STT3B: variants seen among roughly 807,000 people sequenced by gnomAD.
STT3B encodes the protein dolichyl-diphosphooligosaccharide--protein glycosyltransferase subunit STT3B.
Under a neutral mutation model 96.8 loss-of-function variants are expected in STT3B, and 29 were observed. The observed-to-expected ratio is 0.30, with a 90% CI of 0.22 to 0.41. STT3B has a LOEUF of 0.41. Ranked by LOEUF, STT3B falls within the 10% of genes least tolerant of loss-of-function variation. STT3B has a pLI of 1.00. For missense variants in STT3B, 640 were observed against 1,022.3 expected (o/e 0.63, Z 5.10); for synonymous variants, 367 against 360.0 (o/e 1.02, Z -0.22).
rs1459127579 is a variant in STT3B at position 31,637,406 on chromosome 3, A to C, written c.*1342A>C. 2 of 152,130 alleles carry C rather than the reference A, an allele frequency of 1.3e-5. No homozygotes were observed. The highest frequency in any genetic ancestry group is 3.8e-4 in the East Asian group (2 of 5,202). The allele number at this position is 152,130 out of a possible 1,614,324, so 9.4% of individuals were successfully genotyped here. A position where few individuals can be genotyped will look rare whatever the true frequency, so the allele number is the denominator to read the frequency against. ...CTGATTTTCTTTTCCAAGGTGTAGA[A>C]TATTCTTTGATTTATAGAATTCATT... On this transcript the variant is annotated 3_prime_UTR_variant, in exon 16 of 16. Coordinates refer to ENST00000295770, the MANE Select transcript of STT3B (RefSeq NM_178862.3).
chr3:31,580,144 T>C, intron 3 of STT3B, 48 bp downstream of exon 3: 1 of 1,570,054 alleles, frequency 6.4e-7, no homozygotes. Flanking sequence ...GTGACCTTTC[T>C]CCTGAAACAC....
At chr3:31,542,135 G>A (rs1697289995) in intron 1 of STT3B, among the ~76,000 whole-genome samples, 1 of 152,082 alleles carries the variant, frequency 6.6e-6, no homozygotes, top group African/African-American at 2.4e-5. Flanking sequence ...AAAGTGGGTG[G>A]GAGAGAAGAG....
chr3:31,543,611 T>A (rs1313325149), intron 1 of STT3B, among the ~76,000 whole-genome samples: 1 of 152,208 alleles, frequency 6.6e-6, no homozygotes, highest in Non-Finnish European at 1.5e-5. Flanking sequence ...GTCAGTAAGA[T>A]CACATGTGCA....
intron 5 of STT3B, among the ~76,000 whole-genome samples, chr3:31,603,404 G>C (rs1273743799): frequency 1.3e-5 from 2 of 151,786 alleles, no homozygotes; most frequent in Non-Finnish European, 2.9e-5. Context: ...AGCTGAGATG[G>C]GAGGCCGTCT....
intron 1 of STT3B, among the ~76,000 whole-genome samples, chr3:31,549,147 A>G (rs1163637730): frequency 6.6e-6 from 1 of 152,116 alleles, no homozygotes; most frequent in East Asian, 1.9e-4. Flanking sequence ...AACTTTACCA[A>G]AGTCGTAGAG....
chr3:31,629,923 G>C (rs559855829), intron 14 of STT3B, among the ~76,000 whole-genome samples: 11 of 152,336 alleles, frequency 7.2e-5, no homozygotes, highest in African/African-American at 2.2e-4. Flanking sequence ...TCTACAAAAT[G>C]AGTGAATGTG....
chr3:31,548,417 G>A (rs1697469200), intron 1 of STT3B, among the ~76,000 whole-genome samples: 1 of 151,726 alleles, frequency 6.6e-6, no homozygotes. Context: ...TTGTAAAATA[G>A]GGAACAAAAT....
At chr3:31,599,976 C>T (rs1698893642) in intron 4 of STT3B, among the ~76,000 whole-genome samples, 1 of 152,038 alleles carries the variant, frequency 6.6e-6, no homozygotes, top group African/African-American at 2.4e-5. Context: ...ACAAATTTGT[C>T]ATAAAAAGTG....
intron 3 of STT3B, among the ~76,000 whole-genome samples, chr3:31,591,408 G>C (rs1698660033): frequency 6.6e-6 from 1 of 152,000 alleles, no homozygotes; most frequent in Non-Finnish European, 1.5e-5. Context: ...GACCATCTCT[G>C]CCTTTTTATT....
chr3:31,616,090 T>C (rs1238441470), intron 6 of STT3B, among the ~76,000 whole-genome samples: 1 of 151,920 alleles, frequency 6.6e-6, no homozygotes, highest in Non-Finnish European at 1.5e-5. Context: ...GTGAAAATTT[T>C]AAAAAGGCAG....
intron 1 of STT3B, among the ~76,000 whole-genome samples, chr3:31,568,605 G>A (rs1314318972): frequency 6.6e-6 from 1 of 152,134 alleles, no homozygotes; most frequent in Non-Finnish European, 1.5e-5. Context: ...TTTTTCTGAT[G>A]ACTAATGATG....
chr3:31,606,283 AGCCAACTGTTAAT>A (rs1307748003), intron 5 of STT3B, among the ~76,000 whole-genome samples: 2 of 152,212 alleles, frequency 1.3e-5, no homozygotes, highest in African/African-American at 4.8e-5. Context: ...AGTAACAAAG[AGCCAACTGTTAAT>A]GCCAAGACAG....
rs1298845016 is a variant in STT3B, at chr3:31,624,847, A to T, written c.1728-67A>T. On this transcript the variant is annotated intron_variant, in intron 11 of 15. Coordinates refer to ENST00000295770, the MANE Select transcript of STT3B (RefSeq NM_178862.3). ...AAAGTATTCAGTGGTTTAATACCTC[A>T]AGATTTTAAGTTAGCCTCTTCACAT... The T allele has an allele frequency of 3.0e-6, 4 of 1,313,986 alleles. No homozygotes were observed. In the South Asian group the frequency reaches 5.4e-5, roughly 18 times the overall value. 81.4% of individuals were successfully genotyped at this position (1,313,986 alleles called of 1,614,324 possible).
intron 3 of STT3B, among the ~76,000 whole-genome samples, chr3:31,587,883 T>C (rs533834277): frequency 6.6e-6 from 1 of 152,282 alleles, no homozygotes; most frequent in South Asian, 2.1e-4. Flanking sequence ...TGAACTTCTA[T>C]CCTACTCCAA....
chr3:31,592,594 A>G (rs540306136), intron 3 of STT3B, among the ~76,000 whole-genome samples: 19 of 152,064 alleles, frequency 1.2e-4, no homozygotes, highest in Admixed American at 1.1e-3. Context: ...TTGTCAACAC[A>G]TGTTATTTTC....
At chr3:31,554,641 T>C (rs1697646723) in intron 1 of STT3B, among the ~76,000 whole-genome samples, 1 of 152,174 alleles carries the variant, frequency 6.6e-6, no homozygotes, top group Non-Finnish European at 1.5e-5. Flanking sequence ...ATCAAGTAGA[T>C]GGCTTTTTAT....
At chr3:31,556,233 T>C (rs1278875582) in intron 1 of STT3B, among the ~76,000 whole-genome samples, 1 of 152,222 alleles carries the variant, frequency 6.6e-6, no homozygotes, top group Non-Finnish European at 1.5e-5. Flanking sequence ...TGACATACTT[T>C]TATTCTTTTT....
At chr3:31,621,621 G>A (rs1699431450) in intron 9 of STT3B, among the ~76,000 whole-genome samples, 1 of 152,084 alleles carries the variant, frequency 6.6e-6, no homozygotes, top group Non-Finnish European at 1.5e-5. Flanking sequence ...TAAGTTTCTT[G>A]GCAGTAACTT....
At chr3:31,556,293 A>G (rs1697709551) in intron 1 of STT3B, among the ~76,000 whole-genome samples, 1 of 151,942 alleles carries the variant, frequency 6.6e-6, no homozygotes, top group Non-Finnish European at 1.5e-5. Flanking sequence ...TCCTTTATTC[A>G]TTTGTCTGTT....
Sources: allele counts gnomAD v4.1 joint callset (sites outside exome capture counted in the v4.1 genomes callset), GRCh38; gene constraint gnomAD v4.1.1; transcripts MANE v1.5; gene names NCBI Gene and HGNC (gene_info 2026-07-23, HGNC 2026-07-21).